The following SPIRE1 variants were observed in gnomAD, a reference collection of about 807,000 sequenced individuals.
The protein encoded by SPIRE1 is protein spire homolog 1.
SPIRE1 carries 40 observed loss-of-function variants against 94.1 expected under a neutral mutation model. That is an observed-to-expected ratio of 0.43 (90% confidence interval 0.33 to 0.55). SPIRE1 has a LOEUF of 0.55. Among genes scored for constraint, SPIRE1 ranks in the 20% least tolerant of loss-of-function variants. The pLI, the probability that SPIRE1 is intolerant of heterozygous loss-of-function variation, is 0.06. For synonymous variants in SPIRE1, 376 were observed against 371.7 expected (o/e 1.01, Z -0.13); for missense variants, 838 against 975.2 (o/e 0.86, Z 1.87).
chr18:12,638,893 GC>G (rs1199907880), intron 1 of SPIRE1, among the ~76,000 whole-genome samples: 8 of 152,092 alleles, frequency 5.3e-5, no homozygotes, highest in African/African-American at 1.9e-4. Context: ...GTTTTCTGAG[GC>G]CTCCCCAGCC....
intron 1 of SPIRE1, among the ~76,000 whole-genome samples, chr18:12,650,100 G>A (rs1405333601): frequency 3.9e-5 from 6 of 152,086 alleles, no homozygotes; most frequent in Admixed American, 3.9e-4. Context: ...TTAGCCAGGC[G>A]CAGCGGCATG....
At chr18:12,634,876 A>G (rs1235527731) in intron 2 of SPIRE1, among the ~76,000 whole-genome samples, 186 bp downstream of exon 2, 1 of 151,886 alleles carries the variant, frequency 6.6e-6, no homozygotes, top group Non-Finnish European at 1.5e-5. Context: ...CAGAGGTTGC[A>G]GTGAGCCAAG....
intron 10 of SPIRE1, among the ~76,000 whole-genome samples, chr18:12,477,995 G>A (rs914182252): frequency 3.9e-5 from 6 of 151,974 alleles, no homozygotes; most frequent in Admixed American, 3.9e-4. Context: ...CGGAATTTGG[G>A]GAGCCAAGAA....
In SPIRE1 at chr18:12,518,557, C is replaced by A. The variant is rs150702373; in HGVS notation, c.730-6026G>T. 1.8e-3 allele frequency among the ~76,000 whole-genome samples: 276 copies of A among 151,536 alleles called. 1 individual carries two copies. The highest frequency in any genetic ancestry group is 6.5e-3 in the African/African-American group (267 of 41,344). ...TTACTGCCAGGCACAGTGTCTCATG[C>A]CTGTAGTCCCAACTACTCGGGAGGC... On this transcript the variant is annotated intron_variant, in intron 4 of 16. Coordinates refer to ENST00000409402, the MANE Select transcript of SPIRE1 (RefSeq NM_001128626.2).
chr18:12,593,153 T>G (rs1287239824), intron 2 of SPIRE1, among the ~76,000 whole-genome samples: 2 of 152,216 alleles, frequency 1.3e-5, no homozygotes, highest in African/African-American at 2.4e-5. Context: ...CTCATCAGAG[T>G]TGATGCCTAA....
intron 2 of SPIRE1, among the ~76,000 whole-genome samples, chr18:12,634,535 G>A (rs981293770): frequency 6.6e-6 from 1 of 152,006 alleles, no homozygotes; most frequent in South Asian, 2.1e-4. Flanking sequence ...TGATAATTAA[G>A]CTATTCTTTA....
chr18:12,618,894 T>TC (rs56395730), intron 2 of SPIRE1, among the ~76,000 whole-genome samples: 2 of 144,382 alleles, frequency 1.4e-5, no homozygotes, highest in African/African-American at 2.9e-5. Context: ...ACAATTTTTT[T>TC]CCCCCCCAAG....
chr18:12,554,082 C>T (rs572440526), intron 2 of SPIRE1, among the ~76,000 whole-genome samples: 151 of 152,120 alleles, frequency 9.9e-4, no homozygotes, highest in African/African-American at 3.5e-3. Context: ...GGGTGGATCA[C>T]GAGGTCAGGA....
At chr18:12,449,977 G>A (rs2031147346) in intron 16 of SPIRE1, 81 bp from the exon 17 acceptor site, 4 of 1,405,428 alleles carry the variant, frequency 2.8e-6, no homozygotes, top group East Asian at 4.7e-5. Context: ...ATAAAAAAAA[G>A]TAAATTTGTT....
intron 4 of SPIRE1, among the ~76,000 whole-genome samples, chr18:12,518,361 C>T (rs1425520251): frequency 6.6e-6 from 1 of 152,000 alleles, no homozygotes; most frequent in African/African-American, 2.4e-5. Context: ...AGTATGATGG[C>T]TCACAACTTT....
chr18:12,557,096 C>T (rs190738572), intron 2 of SPIRE1, among the ~76,000 whole-genome samples: 118 of 152,344 alleles, frequency 7.7e-4, no homozygotes, highest in South Asian at 5.4e-3. Flanking sequence ...TAGTGGATCC[C>T]GCGTTGGGGC....
At chr18:12,607,563 T>C (rs2037013882) in intron 2 of SPIRE1, among the ~76,000 whole-genome samples, 1 of 151,414 alleles carries the variant, frequency 6.6e-6, no homozygotes, top group Non-Finnish European at 1.5e-5. Flanking sequence ...TAAATGTATG[T>C]CTCCACCTTT....
At chr18:12,512,721 G>A (rs924501153) in intron 4 of SPIRE1, among the ~76,000 whole-genome samples, 190 bp from the exon 5 acceptor site, 23 of 151,706 alleles carry the variant, frequency 1.5e-4, no homozygotes, top group Non-Finnish European at 4.4e-5. Flanking sequence ...GAGGATGGAC[G>A]GAGATTGCTC....
intron 12 of SPIRE1, among the ~76,000 whole-genome samples, chr18:12,460,132 G>GAATCTC (rs2031719246): frequency 6.6e-6 from 1 of 152,202 alleles, no homozygotes; most frequent in African/African-American, 2.4e-5. Context: ...CCTTCCTGGA[G>GAATCTC]AATCTCAGCG....
intron 2 of SPIRE1, among the ~76,000 whole-genome samples, chr18:12,590,557 C>T (rs368816094): frequency 6.6e-6 from 1 of 152,260 alleles, no homozygotes; most frequent in African/African-American, 2.4e-5. Flanking sequence ...TATTGGGCCA[C>T]AATAGACTAT....
At chr18:12,611,015 C>G (rs1471470403) in intron 2 of SPIRE1, among the ~76,000 whole-genome samples, 1 of 152,166 alleles carries the variant, frequency 6.6e-6, no homozygotes, top group Non-Finnish European at 1.5e-5. Flanking sequence ...TATCCCCTCT[C>G]GCCAAGGTAA....
chr18:12,461,142 GAC>G (rs1481378118), intron 12 of SPIRE1, among the ~76,000 whole-genome samples: 5 of 152,194 alleles, frequency 3.3e-5, no homozygotes, highest in African/African-American at 7.2e-5. Flanking sequence ...ACAGGAAACA[GAC>G]ACAGTCATGG....
In SPIRE1 at chr18:12,549,579, G is replaced by A. The variant is rs967227041; in HGVS notation, c.373-2675C>T. Among the ~76,000 whole-genome samples the A allele has an allele frequency of 4.0e-5, 6 of 149,690 alleles. No individual in the cohort carries two copies. The South Asian group carries it at 1.1e-3, about 27-fold the overall frequency. ...GGATTCCCCTGCCTCAGCCTCTTGA[G>A]TAGCTGGGAGTACAGGTGTGCACCA... On this transcript the variant is annotated intron_variant, in intron 2 of 16. Transcript: ENST00000409402.
intron 10 of SPIRE1, among the ~76,000 whole-genome samples, chr18:12,477,252 T>A (rs976344100): frequency 3.3e-5 from 5 of 152,302 alleles, no homozygotes; most frequent in African/African-American, 1.2e-4. Context: ...AGCTGCAGAT[T>A]GGTGCCACCC....
Sources: gnomAD v4.1 joint callset for allele counts (sites outside exome capture counted in the v4.1 genomes callset) on GRCh38, gnomAD v4.1.1 for gene constraint, MANE v1.5 for transcripts, NCBI Gene and HGNC (gene_info 2026-07-23, HGNC 2026-07-21) for gene names.